Variants in SMYD3 observed in about 807,000 individuals in gnomAD.
SMYD3 encodes SET and MYND domain containing 3.
SMYD3 carries 36 observed loss-of-function variants against 57.7 expected under a neutral mutation model. That is an observed-to-expected ratio of 0.62 (90% CI 0.48 to 0.82). The LOEUF (loss-of-function observed/expected upper bound fraction) is 0.82, where lower values mean the gene tolerates loss of function less well. Ranked by LOEUF, SMYD3 falls within the 40% of genes least tolerant of loss-of-function variation. The pLI, the probability that SMYD3 is intolerant of heterozygous loss-of-function variation, is 0.00. For missense variants in SMYD3, 515 were observed against 538.8 expected (o/e 0.96, Z 0.44); for synonymous variants, 211 against 195.0 (o/e 1.08, Z -0.68).
chr1:246,463,927 T>C (rs2067845380), intron 1 of SMYD3, among the ~76,000 whole-genome samples: 1 of 151,342 alleles, frequency 6.6e-6, no homozygotes, highest in Admixed American at 6.6e-5. Context: ...TATAAGTAAT[T>C]GCAACTCTGT....
intron 5 of SMYD3, among the ~76,000 whole-genome samples, chr1:246,222,379 G>A (rs1238225164): frequency 2.0e-5 from 3 of 152,082 alleles, no homozygotes; most frequent in Non-Finnish European, 4.4e-5. Context: ...TACAGAAAAT[G>A]GACTGAACTC....
At chr1:246,006,584 A>C (rs2059174081) in intron 5 of SMYD3, among the ~76,000 whole-genome samples, 1 of 152,190 alleles carries the variant, frequency 6.6e-6, no homozygotes, top group Non-Finnish European at 1.5e-5. Context: ...AGATTTTTTA[A>C]AAAACTAAAA....
chr1:246,272,556 C>G (rs2148549221), intron 5 of SMYD3, among the ~76,000 whole-genome samples: 1 of 152,112 alleles, frequency 6.6e-6, no homozygotes, highest in East Asian at 1.9e-4. Flanking sequence ...TTTTTTTCCC[C>G]CTACAATCTG....
At chr1:246,057,726 C>G (rs1481502623) in intron 5 of SMYD3, among the ~76,000 whole-genome samples, 1 of 152,184 alleles carries the variant, frequency 6.6e-6, no homozygotes, top group African/African-American at 2.4e-5. Flanking sequence ...ACTCATCACA[C>G]AATCCAGAAA....
chr1:246,063,971 TGCTA>T (rs1364210787), intron 5 of SMYD3, among the ~76,000 whole-genome samples: 1 of 147,530 alleles, frequency 6.8e-6, no homozygotes, highest in African/African-American at 2.5e-5. Flanking sequence ...AGTTTAGGCC[TGCTA>T]GGTTAACTCT....
chr1:245,753,102 T>A (rs1401366245), intron 11 of SMYD3, among the ~76,000 whole-genome samples: 1 of 152,130 alleles, frequency 6.6e-6, no homozygotes, highest in Non-Finnish European at 1.5e-5. Flanking sequence ...GCTGAATGCA[T>A]CACCAGTAGC....
chr1:245,972,503 T>C (rs1310245279), intron 5 of SMYD3, among the ~76,000 whole-genome samples: 2 of 152,258 alleles, frequency 1.3e-5, no homozygotes, highest in Non-Finnish European at 2.9e-5. Context: ...CTGGAAAGTG[T>C]ACAGAATAAT....
chr1:246,066,805 A>C (rs143227653), intron 5 of SMYD3, among the ~76,000 whole-genome samples: 256 of 152,324 alleles, frequency 1.7e-3, no homozygotes, highest in African/African-American at 5.6e-3. Context: ...ACTGGTGCAT[A>C]GCTTCCTGGG....
chr1:246,140,193 G>C (rs2061730473), intron 5 of SMYD3, among the ~76,000 whole-genome samples: 1 of 152,158 alleles, frequency 6.6e-6, no homozygotes, highest in African/African-American at 2.4e-5. Flanking sequence ...GAAATGCTTG[G>C]TAAAACAGGT....
intron 5 of SMYD3, among the ~76,000 whole-genome samples, chr1:246,194,772 C>T (rs910009750): frequency 1.6e-4 from 25 of 152,188 alleles, no homozygotes; most frequent in African/African-American, 6.0e-4. Flanking sequence ...TACTGATTGC[C>T]ATATTGCACA....
intron 1 of SMYD3, among the ~76,000 whole-genome samples, chr1:246,364,620 G>A (rs1242915260): frequency 6.6e-6 from 1 of 152,206 alleles, no homozygotes; most frequent in African/African-American, 2.4e-5. Flanking sequence ...GAATCCTATA[G>A]AGAATCAGAA....
intron 2 of SMYD3, among the ~76,000 whole-genome samples, chr1:246,338,298 C>T (rs948028135): frequency 4.6e-5 from 7 of 152,148 alleles, no homozygotes; most frequent in African/African-American, 1.7e-4. Flanking sequence ...ACAAAGAAAT[C>T]TTTTTACGCA....
At chr1:246,191,001 G>A (rs1310322113) in intron 5 of SMYD3, among the ~76,000 whole-genome samples, 1 of 152,198 alleles carries the variant, frequency 6.6e-6, no homozygotes, top group East Asian at 1.9e-4. Flanking sequence ...CTGACACCGG[G>A]TTCAAGACAC....
At chr1:246,275,037 T>C (rs2064302087) in intron 5 of SMYD3, among the ~76,000 whole-genome samples, 1 of 152,182 alleles carries the variant, frequency 6.6e-6, no homozygotes, top group Non-Finnish European at 1.5e-5. Flanking sequence ...TTTTTGAGAA[T>C]TTTTAAAAAT....
At chr1:246,025,421 A>C (rs925338962) in intron 5 of SMYD3, among the ~76,000 whole-genome samples, 1 of 152,220 alleles carries the variant, frequency 6.6e-6, no homozygotes, top group Non-Finnish European at 1.5e-5. Flanking sequence ...CCTCCACCCA[A>C]ATGTGTCCCA....
At chr1:245,956,682 C>G (rs2057854773) in intron 5 of SMYD3, among the ~76,000 whole-genome samples, 1 of 152,168 alleles carries the variant, frequency 6.6e-6, no homozygotes, top group Non-Finnish European at 1.5e-5. Context: ...TGTACTACTC[C>G]CCTACTCCCC....
chr1:245,793,384 G>A (rs2047385856), intron 10 of SMYD3, among the ~76,000 whole-genome samples: 1 of 152,132 alleles, frequency 6.6e-6, no homozygotes, highest in South Asian at 2.1e-4. Context: ...GGCAGACAGA[G>A]TGTAACAACA....
intron 5 of SMYD3, among the ~76,000 whole-genome samples, chr1:246,056,492 G>T (rs1186782523): frequency 6.6e-6 from 1 of 151,938 alleles, no homozygotes; most frequent in Non-Finnish European, 1.5e-5. Flanking sequence ...AGATTAAGTG[G>T]CAAAGCTCAG....
At chr1:245,831,600 C>T (rs1255748623) in intron 10 of SMYD3, among the ~76,000 whole-genome samples, 1 of 152,232 alleles carries the variant, frequency 6.6e-6, no homozygotes, top group Non-Finnish European at 1.5e-5. Context: ...GATGTTTGGA[C>T]CAAGTTCGCC....
Sources: allele counts gnomAD v4.1 joint callset (sites outside exome capture counted in the v4.1 genomes callset), GRCh38; gene constraint gnomAD v4.1.1; transcripts MANE v1.5; gene names NCBI Gene and HGNC (gene_info 2026-07-23, HGNC 2026-07-21).